SSBP4: variants seen among roughly 807,000 people sequenced by gnomAD.
SSBP4 encodes single-stranded DNA-binding protein 4.
In SSBP4, 33 loss-of-function variants were observed where a neutral mutation model predicts 64.6. The ratio of observed to expected loss-of-function variants is 0.51; its 90% CI spans 0.39 to 0.68. The LOEUF is 0.68. Ranked by LOEUF, SSBP4 falls within the 30% of genes least tolerant of loss-of-function variation. The pLI is 0.00. For synonymous variants in SSBP4, 243 were observed against 224.0 expected, an observed-to-expected ratio of 1.08 and a Z score of -0.76; for missense variants, 583 against 566.8, an observed-to-expected ratio of 1.03 and a Z score of -0.29.
the SSBP4 span, among the ~76,000 whole-genome samples, chr19:18,407,118 A>T: frequency 1.3e-5 from 2 of 151,622 alleles, no homozygotes; most frequent in Non-Finnish European, 2.9e-5. Flanking sequence ...GCTCACTGCG[A>T]CCTCTGCCTC....
the SSBP4 span, among the ~76,000 whole-genome samples, chr19:18,410,080 G>A: frequency 6.6e-6 from 1 of 152,180 alleles, no homozygotes; most frequent in Admixed American, 6.5e-5. Flanking sequence ...TGCAAGCTCC[G>A]CCTCCCGGGT....
upstream of SSBP4, among the ~76,000 whole-genome samples, chr19:18,416,952 C>G (rs922713213): frequency 2.0e-5 from 3 of 152,206 alleles, no homozygotes; most frequent in Admixed American, 2.0e-4. Flanking sequence ...CCGCCAGCGC[C>G]CAGGCTGTGT....
chr19:18,434,015 C>G, intron 17 of SSBP4, 198 bp downstream of exon 17: 4 of 1,278,398 alleles, frequency 3.1e-6, no homozygotes, highest in East Asian at 3.2e-5. Flanking sequence ...TTCACCGTCC[C>G]GATCCCATCC....
At chr19:18,433,401 C>A (rs982647690) in intron 15 of SSBP4, 184 bp from the exon 16 acceptor site, 2 of 1,266,426 alleles carry the variant, frequency 1.6e-6, no homozygotes, top group Non-Finnish European at 1.1e-6. Context: ...CCAGAGGATG[C>A]ACTGACCGCC....
intron 1 of SSBP4, among the ~76,000 whole-genome samples, chr19:18,421,613 G>T (rs954801319): frequency 6.6e-6 from 1 of 152,282 alleles, no homozygotes; most frequent in African/African-American, 2.4e-5. Context: ...AAGCAAAGTG[G>T]ATGATAGATA....
upstream of SSBP4, chr19:18,419,240 T>A: frequency 9.1e-6 from 9 of 989,246 alleles, no homozygotes; most frequent in Non-Finnish European, 1.1e-5. Flanking sequence ...CCCGCGAGTG[T>A]GTAGCCGCGC....
the SSBP4 span, among the ~76,000 whole-genome samples, chr19:18,404,353 G>C: frequency 1.3e-5 from 2 of 152,074 alleles, no homozygotes; most frequent in Admixed American, 6.6e-5. Context: ...TAGCACTTTA[G>C]GAGGCTGAGG....
rs139517414 is a variant in SSBP4, at chr19:18,429,083, AGGGCGGAGGCCGCCCAAGCCCT to A, written c.279+1105_279+1126del. Among the ~76,000 whole-genome samples, 1,203 of 152,242 alleles carry A rather than the reference AGGGCGGAGGCCGCCCAAGCCCT, an allele frequency of 7.9e-3. 16 individuals carry two copies. Among genetic ancestry groups the A allele is most frequent in the African/African-American group, 0.027 (1,125 of 41,554 alleles). ...GCGCAGAGCGTAGACCGCAGGGCCC[AGGGCGGAGGCCGCCCAAGCCCT>A]GGGGTGACCGAATCCCCGCGGGGAC... is the stretch of plus-strand genomic sequence containing the variant. On this transcript the variant is annotated intron_variant, in intron 4 of 17. Coordinates refer to ENST00000270061, the MANE Select transcript of SSBP4 (RefSeq NM_032627.5).
intron 17 of SSBP4, 96 bp downstream of exon 17, chr19:18,433,913 C>T: frequency 7.9e-7 from 1 of 1,260,920 alleles, no homozygotes; most frequent in Non-Finnish European, 9.9e-7. Flanking sequence ...CAGAGCAAGA[C>T]CGTGACCGCG....
At chr19:18,408,888 C>T in the SSBP4 span, among the ~76,000 whole-genome samples, 2 of 151,992 alleles carry the variant, frequency 1.3e-5, no homozygotes, top group Non-Finnish European at 2.9e-5. Context: ...ATCTCACTCA[C>T]TGCAACCTCC....
chr19:18,428,056 T>TGGTGGGGG, intron 4 of SSBP4, 74 bp downstream of exon 4: 14 of 444,240 alleles, frequency 3.2e-5, no homozygotes, highest in African/African-American at 6.4e-5. Flanking sequence ...GGAGGTGGGG[T>TGGTGGGGG]GGGGGGCTGC....
At chr19:18,433,956 T>C in intron 17 of SSBP4, 139 bp downstream of exon 17, 2 of 1,207,378 alleles carry the variant, frequency 1.7e-6, no homozygotes, top group Non-Finnish European at 1.0e-6. Flanking sequence ...CGCGGCATCC[T>C]TTCCCTCTCC....
chr19:18,429,316 C>G (rs1015557619), intron 4 of SSBP4, among the ~76,000 whole-genome samples: 2 of 151,892 alleles, frequency 1.3e-5, no homozygotes, highest in African/African-American at 4.8e-5. Context: ...CGCCGGAGCG[C>G]CCAGCCCATC....
At chr19:18,412,460 CAAAA>C in the SSBP4 span, among the ~76,000 whole-genome samples, 6 of 74,396 alleles carry the variant, frequency 8.1e-5, no homozygotes, top group African/African-American at 9.9e-5. Flanking sequence ...GACTCCATCT[CAAAA>C]AAAAAAAAAA....
chr19:18,405,485 ACT>A, the SSBP4 span, among the ~76,000 whole-genome samples: 1 of 135,972 alleles, frequency 7.4e-6, no homozygotes, highest in Non-Finnish European at 1.5e-5. Context: ...ACATAGTGAG[ACT>A]CTGTCTCTAC....
upstream of SSBP4, among the ~76,000 whole-genome samples, chr19:18,415,319 G>T (rs138717902): frequency 2.6e-5 from 4 of 152,312 alleles, no homozygotes; most frequent in Admixed American, 6.5e-5. Context: ...TAATGAGGAG[G>T]AGGGAGGGAG....
Position 18,419,415 on chromosome 19 carries a change from G to T in SSBP4, c.-234G>T. 9.6e-7 allele frequency: 1 copy of T among 1,038,700 alleles called. No homozygotes were observed. Among genetic ancestry groups the T allele is most frequent in the Admixed American group, 5.6e-5 (1 of 17,894 alleles). The allele number at this position is 1,038,700 out of a possible 1,614,324, so 64.3% of individuals were successfully genotyped here. ...GAGCGCGCGTTTCCCGGAACAGCCC[G>T]CGCGGAGGAAAGGGAGGAAAAAAAG... On this transcript the variant is annotated 5_prime_UTR_variant, in exon 1 of 18. Transcript: ENST00000270061.
intron 1 of SSBP4, chr19:18,425,859 C>T (rs1020322669): frequency 6.6e-6 from 1 of 152,420 alleles, no homozygotes; most frequent in Admixed American, 6.5e-5. Context: ...CTTGCCTTTC[C>T]GTAGCCTCAG....
the SSBP4 span, among the ~76,000 whole-genome samples, chr19:18,412,827 C>G: frequency 6.6e-6 from 1 of 152,182 alleles, no homozygotes; most frequent in Non-Finnish European, 1.5e-5. Context: ...GGTTGAGGTT[C>G]AGCGAGAGCA....
Sources: allele counts gnomAD v4.1 joint callset (sites outside exome capture counted in the v4.1 genomes callset), GRCh38; gene constraint gnomAD v4.1.1; transcripts MANE v1.5; gene names NCBI Gene and HGNC (gene_info 2026-07-23, HGNC 2026-07-21).